The following ERGIC1 variants were observed in gnomAD, a reference collection of about 807,000 sequenced individuals.
The protein encoded by ERGIC1 is endoplasmic reticulum-Golgi intermediate compartment protein 1.
ERGIC1 carries 19 observed loss-of-function variants against 38.3 expected under a neutral mutation model. The ratio of observed to expected loss-of-function variants is 0.50; its 90% CI spans 0.35 to 0.73. The LOEUF (loss-of-function observed/expected upper bound fraction) is 0.73. Ranked by LOEUF, ERGIC1 falls within the 30% of genes least tolerant of loss-of-function variation. The pLI, the probability that ERGIC1 is intolerant of heterozygous loss-of-function variation, is 0.01. For synonymous variants in ERGIC1, 124 were observed against 157.6 expected (o/e 0.79, Z 1.60); for missense variants, 294 against 389.2 (o/e 0.76, Z 2.06).
chr5:172,942,227 A>G (rs1764026436), intron 9 of ERGIC1, among the ~76,000 whole-genome samples: 1 of 152,158 alleles, frequency 6.6e-6, no homozygotes, highest in African/African-American at 2.4e-5. Flanking sequence ...AAAAAAAAGA[A>G]TTGACAAGAG....
rs533214638 is a variant in ERGIC1 at position 172,843,490 on chromosome 5, C to G, written c.20+9057C>G. On this transcript the variant is annotated intron_variant, in intron 1 of 9. Coordinates refer to ENST00000393784, the MANE Select transcript of ERGIC1 (RefSeq NM_001031711.3). ...CTCTCCCCTCCCACTTTCACACCAACATATAGAATTACCTAAAGTATCCTT... is the reference window on the plus strand; with the variant it reads ...CTCTCCCCTCCCACTTTCACACCAAGATATAGAATTACCTAAAGTATCCTT... 2.0e-5 allele frequency among the ~76,000 whole-genome samples: 3 copies of G among 152,332 alleles called. No homozygotes were observed. In the South Asian group the frequency reaches 6.2e-4, roughly 32 times the overall value.
In ERGIC1 at chr5:172,932,505, G is replaced by T; in HGVS notation, c.611G>T (p.Arg204Leu). 1 of 1,614,158 alleles carries T rather than the reference G, an allele frequency of 6.2e-7. No homozygotes were observed. Among genetic ancestry groups the T allele is most frequent in the Non-Finnish European group, 8.5e-7 (1 of 1,180,018 alleles). Residue 204 changes from arginine (R) to leucine (L), a missense_variant, in exon 8 of 10, where the codon CGG (arginine) becomes CTG (leucine). Coordinates refer to ENST00000393784, the MANE Select transcript of ERGIC1 (RefSeq NM_001031711.3). ...TVYEDKSGKQ[R>L]YSYQYTVANK... ...TATGAGGACAAGAGTGGCAAGCAGC[G>T]GTACTCCTACCAGTACACGGTGGCC...
At position 172,848,126 on chromosome 5, in the gene ERGIC1, C is replaced by T. The variant is rs183360344; in HGVS notation, c.20+13693C>T. 2.6e-5 allele frequency among the ~76,000 whole-genome samples: 4 copies of T among 152,296 alleles called. No homozygotes were observed. The East Asian group carries it at 7.7e-4, about 29-fold the overall frequency. On this transcript the variant is annotated intron_variant, in intron 1 of 9. Transcript: ENST00000393784. ...CAAAAGAGAGCTGAACAGGGAATAACTTTTTTCATGGTGGGGTCTGATGTC... is the reference window on the plus strand; with the variant it reads ...CAAAAGAGAGCTGAACAGGGAATAATTTTTTTCATGGTGGGGTCTGATGTC...
At chr5:172,941,007 G>A (rs544600774) in intron 9 of ERGIC1, among the ~76,000 whole-genome samples, 5 of 152,292 alleles carry the variant, frequency 3.3e-5, no homozygotes, top group East Asian at 3.9e-4. Context: ...AGCTGGGCGC[G>A]GTGGCTTACA....
In ERGIC1 at chr5:172,926,046, G is replaced by T. The variant is rs902495674; in HGVS notation, c.481-463G>T. ...GGACTCCTCTATGGGCCTTTCAGAG[G>T]ACCCTGGGATCTCAGGAGAAACTTT... On this transcript the variant is annotated intron_variant, in intron 6 of 9. Coordinates refer to ENST00000393784, the MANE Select transcript of ERGIC1 (RefSeq NM_001031711.3). The surrounding 1 kb of genome is among the most constrained non-coding windows in gnomAD (Gnocchi z 5.2). 2.0e-5 allele frequency among the ~76,000 whole-genome samples: 3 copies of T among 152,168 alleles called. No individual in the cohort carries two copies. Among genetic ancestry groups the T allele is most frequent in the South Asian group, 2.1e-4 (1 of 4,834 alleles).
chr5:172,875,597 G>A (rs1762123868), intron 1 of ERGIC1, among the ~76,000 whole-genome samples: 1 of 152,112 alleles, frequency 6.6e-6, no homozygotes, highest in Admixed American at 6.5e-5. Flanking sequence ...TCTACCTATT[G>A]CCTGTGGGCT....
chr5:172,852,071 C>G (rs1031079799), intron 1 of ERGIC1, among the ~76,000 whole-genome samples: 29 of 151,864 alleles, frequency 1.9e-4, no homozygotes, highest in African/African-American at 6.8e-4. Context: ...ATGGGTGAAC[C>G]AGCCAAAAGG....
intron 1 of ERGIC1, among the ~76,000 whole-genome samples, chr5:172,877,458 A>ATTTTTTT (rs56384349): frequency 1.4e-4 from 12 of 86,624 alleles, no homozygotes; most frequent in African/African-American, 4.7e-4. Flanking sequence ...ATATATATAT[A>ATTTTTTT]TTTTTTTTTT....
chr5:172,869,673 T>C (rs1761955374), intron 1 of ERGIC1, among the ~76,000 whole-genome samples: 1 of 152,214 alleles, frequency 6.6e-6, no homozygotes, highest in South Asian at 2.1e-4. Flanking sequence ...CTTGCATTAT[T>C]GGTTTAGAGA....
intron 1 of ERGIC1, among the ~76,000 whole-genome samples, chr5:172,873,724 T>C (rs1762074795): frequency 6.6e-6 from 1 of 152,194 alleles, no homozygotes; most frequent in African/African-American, 2.4e-5. Flanking sequence ...GCAAGTGGCT[T>C]GGCCTCTCTG....
intron 1 of ERGIC1, among the ~76,000 whole-genome samples, chr5:172,854,320 T>C (rs1464972019): frequency 6.6e-6 from 1 of 152,154 alleles, no homozygotes; most frequent in Non-Finnish European, 1.5e-5. Flanking sequence ...AGGTTGAGGC[T>C]GCAGTGAGCT....
intron 9 of ERGIC1, among the ~76,000 whole-genome samples, chr5:172,943,042 C>CTT (rs1477997936): frequency 3.9e-4 from 59 of 152,288 alleles, no homozygotes; most frequent in African/African-American, 1.3e-3. Context: ...CCAAACCTGG[C>CTT]TTCTAGTGAT....
intron 3 of ERGIC1, 65 bp from the exon 4 acceptor site, chr5:172,909,602 G>A (rs575222096): frequency 6.9e-7 from 1 of 1,455,928 alleles, no homozygotes; most frequent in Non-Finnish European, 9.7e-7. Flanking sequence ...ATCCCCGGCT[G>A]TCCCCCGCAG....
intron 7 of ERGIC1, among the ~76,000 whole-genome samples, chr5:172,930,225 G>C (rs1263222593): frequency 6.6e-6 from 1 of 150,644 alleles, no homozygotes; most frequent in African/African-American, 2.4e-5. Flanking sequence ...TCCTATTTTA[G>C]GAAAATACAA....
At chr5:172,914,252 A>AT (rs1436752244) in intron 4 of ERGIC1, among the ~76,000 whole-genome samples, 6,274 of 137,052 alleles carry the variant, frequency 0.046, 402 homozygotes, top group African/African-American at 0.14. Context: ...AAAAAAAAAA[A>AT]AAAAATACAA....
chr5:172,847,805 G>A (rs1251324079), intron 1 of ERGIC1, among the ~76,000 whole-genome samples: 1 of 152,204 alleles, frequency 6.6e-6, no homozygotes, highest in African/African-American at 2.4e-5. Context: ...GTGCCACCAC[G>A]CCCGGCCACA....
rs564325572 is a variant in ERGIC1, at chr5:172,934,429, C to T, written c.643-759C>T. ...CTCAGCCTCGTAGTATCCTTAGTCC[C>T]TGCTGTGTGCATTCTCAGGAAGGTT... On this transcript the variant is annotated intron_variant, in intron 8 of 9. Transcript: ENST00000393784. The T allele has an allele frequency of 2.0e-5, 3 of 152,988 alleles. No individual in the cohort carries two copies. The South Asian group carries it at 6.2e-4, about 32-fold the overall frequency. 9.5% of individuals were successfully genotyped at this position (152,988 alleles called of 1,614,324 possible). A position where few individuals can be genotyped will look rare whatever the true frequency, so the allele number is the denominator to read the frequency against.
intron 5 of ERGIC1, 48 bp downstream of exon 5, chr5:172,914,886 T>C (rs757564586): frequency 1.9e-6 from 3 of 1,612,522 alleles, no homozygotes; most frequent in Non-Finnish European, 2.5e-6. Flanking sequence ...CCTTTCCTGC[T>C]GTCTCCCCGC....
chr5:172,932,330 GC>G (rs1348832955), intron 7 of ERGIC1, 105 bp from the exon 8 acceptor site: 18 of 1,091,584 alleles, frequency 1.6e-5, no homozygotes, highest in Admixed American at 2.2e-5. Flanking sequence ...TGGGGAATGA[GC>G]CCCCTGCCGT....
Sources: allele counts gnomAD v4.1 joint callset (sites outside exome capture counted in the v4.1 genomes callset), GRCh38; gene constraint gnomAD v4.1.1; non-coding constraint Gnocchi (gnomAD v3.1); transcripts MANE v1.5; gene names NCBI Gene and HGNC (gene_info 2026-07-23, HGNC 2026-07-21).